DDX11: variants seen among roughly 807,000 people sequenced by gnomAD.
The protein encoded by DDX11 is DEAD/H-box helicase 11, also known as ATP-dependent DNA helicase DDX11.
DDX11 carries 72 observed loss-of-function variants against 125.2 expected under a neutral mutation model. The observed-to-expected ratio is 0.58, with a 90% CI of 0.48 to 0.70. The LOEUF (loss-of-function observed/expected upper bound fraction) is 0.70. DDX11 is among the 30% of genes least tolerant of loss of function. DDX11 has a pLI of 0.00. For missense variants in DDX11, 883 were observed against 1,165.0 expected, an observed-to-expected ratio of 0.76 and a Z score of 3.52; for synonymous variants, 347 against 452.6, an observed-to-expected ratio of 0.77 and a Z score of 2.96.
At chr12:31,093,900 TCACATAGA>T (rs1410037419) in intron 12 of DDX11, among the ~76,000 whole-genome samples, 37 of 147,420 alleles carry the variant, frequency 2.5e-4, no homozygotes, top group African/African-American at 9.5e-4. Context: ...GGATACAGCA[TCACATAGA>T]CACACGGTGT....
intron 1 of DDX11, among the ~76,000 whole-genome samples, chr12:31,077,405 C>A (rs535602012): frequency 6.6e-6 from 1 of 152,218 alleles, no homozygotes; most frequent in African/African-American, 2.4e-5. Flanking sequence ...AGCCAGAGCC[C>A]CGTGGCTGTG....
chr12:31,091,615 C>T (rs938061376), intron 9 of DDX11, 104 bp from the exon 10 acceptor site: 289 of 1,301,114 alleles, frequency 2.2e-4, no homozygotes, highest in Non-Finnish European at 3.0e-4. Context: ...CTACACAGTC[C>T]AGGCAGGAAA....
At chr12:31,103,547 C>T in intron 25 of DDX11, 30 bp from the exon 26 acceptor site, 3 of 1,613,656 alleles carry the variant, frequency 1.9e-6, no homozygotes, top group South Asian at 1.1e-5. Flanking sequence ...GCAGGTGTTG[C>T]TCGGAGCCCC....
intron 17 of DDX11, 37 bp from the exon 18 acceptor site, chr12:31,097,848 G>C (rs1565913700): frequency 7.8e-7 from 1 of 1,279,094 alleles, no homozygotes. Context: ...AGTGTCTGTT[G>C]GGCTTGCACT....
intron 6 of DDX11, 78 bp from the exon 7 acceptor site, chr12:31,088,966 C>T (rs1487185018): frequency 8.4e-6 from 10 of 1,187,676 alleles, no homozygotes; most frequent in African/African-American, 1.5e-5. Flanking sequence ...CTCTCAGGCC[C>T]TGGCGTGCCT....
chr12:31,103,823 C>T lies in DDX11; in HGVS notation c.2708C>T (p.Ser903Leu), dbSNP rs773499730. The stretch of plus-strand genomic sequence containing the variant: ...TCTGCCCAGTTTCACCGGGAGAAGT[C>T]GGCCTCTTCCTGATGGGCAACCACA... ...AAVQKFHREK[S>L]ASS The change falls in exon 27 of 27, where the codon TCG becomes TTG. Residue 903 changes from serine to leucine, a missense_variant. By Grantham distance (145) the Ser-to-Leu change is moderately radical. This residue lies in a region of DDX11 where 285 missense variants were observed against 346.0 expected (regional missense o/e 0.82). Transcript: ENST00000542838. The T allele has an allele frequency of 1.9e-6, 3 of 1,613,896 alleles. No homozygotes were observed. Among genetic ancestry groups the T allele is most frequent in the South Asian group, 1.1e-5 (1 of 91,048 alleles).
chr12:31,088,734 C>T (rs1216257705), intron 6 of DDX11, among the ~76,000 whole-genome samples: 2 of 152,158 alleles, frequency 1.3e-5, no homozygotes, highest in Non-Finnish European at 2.9e-5. Context: ...CCCTTTGCCA[C>T]GGGAGATGGT....
chr12:31,091,757 C>T lies in DDX11; in HGVS notation c.1128C>T (p.Ala376=). ...CCTATCAGATGCTGCTGCATGCGGC[C>T]ACTCGGCAGGCCGCGGGCATCCGGC... is the stretch of plus-strand genomic sequence containing the variant. The part of the protein sequence containing the change: ...VLPYQMLLHA[A]TRQAAGIRLQ... Residue 376 remains alanine (A), a synonymous_variant, in exon 10 of 27, where the codon GCC becomes GCT. Coordinates refer to ENST00000542838, the MANE Select transcript of DDX11 (RefSeq NM_030653.4). 1 of 1,613,724 alleles carries T rather than the reference C, an allele frequency of 6.2e-7. No homozygotes were observed. The highest frequency in any genetic ancestry group is 1.1e-5 in the South Asian group (1 of 91,076).
At chr12:31,100,418 G>A (rs1946163601) in intron 18 of DDX11, 1 of 468,462 alleles carries the variant, frequency 2.1e-6, no homozygotes, top group Non-Finnish European at 3.9e-6. Flanking sequence ...CAGATTTGCT[G>A]GATTTCCTTT....
intron 8 of DDX11, 155 bp from the exon 9 acceptor site, chr12:31,089,731 C>T: frequency 1.4e-6 from 2 of 1,404,446 alleles, no homozygotes; most frequent in South Asian, 1.2e-5. Context: ...TAAAACCTTA[C>T]AGTGTTCCGA....
chr12:31,092,778 G>A, intron 10 of DDX11, 68 bp from the exon 11 acceptor site: 1 of 1,502,214 alleles, frequency 6.7e-7, no homozygotes, highest in Non-Finnish European at 9.2e-7. Flanking sequence ...TCTTCTAGGT[G>A]AATCTAAGAT....
intron 8 of DDX11, 145 bp from the exon 9 acceptor site, chr12:31,089,740 GA>G (rs1405790998): frequency 9.7e-6 from 14 of 1,440,648 alleles, no homozygotes; most frequent in African/African-American, 1.4e-5. Flanking sequence ...ACAGTGTTCC[GA>G]TGAGACCACA....
In DDX11 at chr12:31,102,508, T is replaced by G. The variant is rs1946569259; in HGVS notation, c.2353T>G (p.Phe785Val). 1.9e-6 allele frequency: 3 copies of G among 1,613,856 alleles called. No individual in the cohort carries two copies. The highest frequency in any genetic ancestry group is 2.5e-6 in the Non-Finnish European group (3 of 1,179,728). The change falls in exon 23 of 27, where the codon TTC becomes GTC. Residue 785 changes from phenylalanine to valine, a missense_variant. This residue lies in a region of DDX11 where 285 missense variants were observed against 346.0 expected (regional missense o/e 0.82). Coordinates refer to ENST00000542838, the MANE Select transcript of DDX11 (RefSeq NM_030653.4). ...VGGKMSEGINFSDNLGRCVVM... is the reference protein window; with the variant it reads ...VGGKMSEGINVSDNLGRCVVM... Reference sequence around the variant, plus strand: ...AGGAAAGATGAGTGAAGGGATCAACTTCTCTGACAACCTAGGCCGGTAAGT... The same window carrying G: ...AGGAAAGATGAGTGAAGGGATCAACGTCTCTGACAACCTAGGCCGGTAAGT...
chr12:31,101,828 C>T lies in DDX11; in HGVS notation c.2053-5C>T, dbSNP rs1946432248. 6.2e-7 allele frequency: 1 copy of T among 1,613,926 alleles called. No individual in the cohort carries two copies. Among genetic ancestry groups the T allele is most frequent in the Non-Finnish European group, 8.5e-7 (1 of 1,179,832 alleles). ...GCTCCCTCCCTCCCTCCTTTCCTTC[C>T]TTAGATGGACGAGGTGGGTCGCATT... On this transcript the variant is annotated splice_polypyrimidine_tract_variant and splice_region_variant and intron_variant, in intron 20 of 26. Coordinates refer to ENST00000542838, the MANE Select transcript of DDX11 (RefSeq NM_030653.4).
At position 31,089,038 on chromosome 12, in the gene DDX11, T is replaced by C; in HGVS notation, c.685-6T>C. The C allele has an allele frequency of 1.2e-6, 2 of 1,613,504 alleles. No homozygotes were observed. The highest frequency in any genetic ancestry group is 1.7e-6 in the Non-Finnish European group (2 of 1,179,432). On this transcript the variant is annotated splice_region_variant and splice_polypyrimidine_tract_variant and intron_variant, in intron 6 of 26. Coordinates refer to ENST00000542838, the MANE Select transcript of DDX11 (RefSeq NM_030653.4). ...TCTTTGAAGCGCCTTTCTTTCTCTC[T>C]GCTAGATTTATTACTGTAGTCGGAC...
At chr12:31,096,813 T>C in intron 16 of DDX11, 46 bp from the exon 17 acceptor site, 1 of 1,614,168 alleles carries the variant, frequency 6.2e-7, no homozygotes, top group South Asian at 1.1e-5. Flanking sequence ...TCCTCATGTG[T>C]GGACCTGACC....
intron 18 of DDX11, among the ~76,000 whole-genome samples, chr12:31,098,801 G>A (rs1945791982): frequency 3.3e-5 from 5 of 152,072 alleles, no homozygotes; most frequent in South Asian, 2.1e-4. Context: ...TGTTTCTGAC[G>A]TTCACATTGT....
At chr12:31,079,827 C>T (rs2140432107) in intron 2 of DDX11, among the ~76,000 whole-genome samples, 1 of 152,190 alleles carries the variant, frequency 6.6e-6, no homozygotes. Flanking sequence ...TCTTTAAAAA[C>T]ATTTTTTTAA....
At chr12:31,082,587 C>T (rs1942181182) in intron 2 of DDX11, among the ~76,000 whole-genome samples, 1 of 152,036 alleles carries the variant, frequency 6.6e-6, no homozygotes, top group Non-Finnish European at 1.5e-5. Flanking sequence ...GCTCAGAGAG[C>T]TGACTGCCTG....
Sources: gnomAD v4.1 joint callset for allele counts (sites outside exome capture counted in the v4.1 genomes callset) on GRCh38, gnomAD v4.1.1 for gene constraint, gnomAD v4.1.1 regional missense constraint, MANE v1.5 for transcripts, NCBI Gene and HGNC (gene_info 2026-07-23, HGNC 2026-07-21) for gene names.